Variants in DLG4 observed in about 807,000 individuals in gnomAD.
The protein encoded by DLG4 is disks large homolog 4.
A neutral mutation model predicts 93.8 loss-of-function variants in DLG4; 7 were observed. The ratio of observed to expected loss-of-function variants is 0.07; its 90% CI spans 0.04 to 0.14. The LOEUF is 0.14. Among genes scored for constraint, DLG4 ranks in the 10% least tolerant of loss-of-function variants. The pLI is 1.00. For missense variants in DLG4, 545 were observed against 992.9 expected, an observed-to-expected ratio of 0.55 and a Z score of 6.06; for synonymous variants, 341 against 387.6, an observed-to-expected ratio of 0.88 and a Z score of 1.41.
chr17:7,218,801 C>T (rs2071055310), upstream of DLG4: 1 of 1,613,576 alleles, frequency 6.2e-7, no homozygotes, highest in Non-Finnish European at 8.5e-7. Context: ...GCTCCCAGAC[C>T]TCCCCTCCAC....
chr17:7,214,926 C>T (rs953142355), intron 1 of DLG4, among the ~76,000 whole-genome samples: 1 of 152,122 alleles, frequency 6.6e-6, no homozygotes, highest in Admixed American at 6.5e-5. Flanking sequence ...CGGCAGGAGT[C>T]TAAATATAGG....
At position 7,187,945 on chromosome 17, in the gene DLG4, C is replaced by A. The variant is rs532018296; in HGVS notation, c.*2763G>T. Among the ~76,000 whole-genome samples the A allele has an allele frequency of 2.0e-5, 3 of 152,102 alleles. No homozygotes were observed. Among genetic ancestry groups the A allele is most frequent in the African/African-American group, 7.2e-5 (3 of 41,480 alleles). ...AATAGCTGTGTGTTATGGCACGCAT[C>A]TGTAATCCCAGCTACTTGGGAAGCT... On this transcript the variant is annotated 3_prime_UTR_variant, in exon 20 of 20. Transcript: ENST00000399506.
rs2069789605 is a variant in DLG4, at chr17:7,196,455, G to C, written c.1186+18C>G. On this transcript the variant is annotated intron_variant, in intron 10 of 19. Coordinates refer to ENST00000399506, the MANE Select transcript of DLG4 (RefSeq NM_001321075.3). This position sits in a 1 kb window ranked among gnomAD's most constrained non-coding sequence, Gnocchi z 8.3. ...GGGCCATTTCAGCTCACAAGACAAG[G>C]AACTTCCGGCCTGGTACCTTCTGGT... 2 of 1,613,490 alleles carry C rather than the reference G, an allele frequency of 1.2e-6. No individual in the cohort carries two copies. The highest frequency in any genetic ancestry group is 1.7e-6 in the Non-Finnish European group (2 of 1,179,564).
In DLG4 at chr17:7,193,613, C is replaced by T. The variant is rs576654918; in HGVS notation, c.1592-29G>A. The T allele has an allele frequency of 2.6e-5, 39 of 1,526,146 alleles. No individual in the cohort carries two copies. Among genetic ancestry groups the T allele is most frequent in the African/African-American group, 6.9e-5 (5 of 71,978 alleles). The allele number at this position is 1,526,146 out of a possible 1,614,324, so 94.5% of individuals were successfully genotyped here. On this transcript the variant is annotated intron_variant, in intron 15 of 19. Transcript: ENST00000399506. This position sits in a 1 kb window ranked among gnomAD's most constrained non-coding sequence, Gnocchi z 6.7. ...CAGAGAGAGCCTGGCTTAGGCCGAG[C>T]GCAGGGTTGGGGGAGCAGCAAGTGC...
chr17:7,211,500 A>T (rs534903088), intron 1 of DLG4, among the ~76,000 whole-genome samples: 1 of 151,440 alleles, frequency 6.6e-6, no homozygotes, highest in Non-Finnish European at 1.5e-5. Context: ...AAAGTGAATG[A>T]TAAGAGGGGC....
At chr17:7,205,632 AT>A (rs1367593190) in intron 2 of DLG4, among the ~76,000 whole-genome samples, 2 of 151,790 alleles carry the variant, frequency 1.3e-5, no homozygotes, top group Non-Finnish European at 2.9e-5. Context: ...AACCCTTCAC[AT>A]ATCAGCAAAT....
chr17:7,202,516 G>A (rs1279939904), intron 8 of DLG4, among the ~76,000 whole-genome samples: 4 of 152,170 alleles, frequency 2.6e-5, no homozygotes, highest in Non-Finnish European at 5.9e-5. Context: ...TCTCTATTCA[G>A]AAGCAAAACG....
intron 8 of DLG4, among the ~76,000 whole-genome samples, chr17:7,198,466 G>C (rs1356811987): frequency 7.2e-6 from 1 of 138,856 alleles, no homozygotes; most frequent in Non-Finnish European, 1.5e-5. Flanking sequence ...CTGGGTGACA[G>C]AGCGAGACTC....
chr17:7,208,430 C>T lies in DLG4; in HGVS notation c.31-191G>A, dbSNP rs549583360. Among the ~76,000 whole-genome samples the T allele has an allele frequency of 2.6e-5, 4 of 152,096 alleles. No individual in the cohort carries two copies. Among genetic ancestry groups the T allele is most frequent in the African/African-American group, 4.8e-5 (2 of 41,498 alleles). The stretch of plus-strand genomic sequence containing the variant: ...CCACTCTCCCAACAGCCCCCTCTCC[C>T]GCCAGGGCCTCAGCACCTCTCATCA... On this transcript the variant is annotated intron_variant, in intron 1 of 19. Coordinates refer to ENST00000399506, the MANE Select transcript of DLG4 (RefSeq NM_001321075.3). The surrounding 1 kb of genome is among the most constrained non-coding windows in gnomAD (Gnocchi z 5.4).
intron 1 of DLG4, among the ~76,000 whole-genome samples, chr17:7,215,894 C>G (rs1313313365): frequency 7.4e-6 from 1 of 136,020 alleles, no homozygotes; most frequent in Non-Finnish European, 1.6e-5. Context: ...CCTGTCCCAC[C>G]CCCCAGCCCC....
chr17:7,187,307 A>G lies in DLG4; in HGVS notation c.*3401T>C, dbSNP rs314255. Among the ~76,000 whole-genome samples, 10,623 of 41,804 alleles carry G rather than the reference A, an allele frequency of 0.25. 1,988 individuals are homozygous for G. Among genetic ancestry groups the G allele is most frequent in the Non-Finnish European group, 0.4 (5,880 of 14,730 alleles). 27.4% of individuals were successfully genotyped at this position (41,804 alleles called of 152,430 possible). A position where few individuals can be genotyped will look rare whatever the true frequency, so the allele number is the denominator to read the frequency against. ...GTAATCCTAGCACTTTGGGAGGCCGAGGGGGGGGGGGGTGGATCACCCGAG... is the reference window on the plus strand; with the variant it reads ...GTAATCCTAGCACTTTGGGAGGCCGGGGGGGGGGGGGGTGGATCACCCGAG... On this transcript the variant is annotated 3_prime_UTR_variant, in exon 20 of 20. Transcript: ENST00000399506.
In DLG4 at chr17:7,208,342, A is replaced by AG; in HGVS notation, c.31-104dup. Reference sequence around the variant, plus strand: ...CTTCCCCCAGCCAGTGCAGTGCGGAAGGCCCTGGGGCCTGACCAGCTCCTC... The same window carrying AG: ...CTTCCCCCAGCCAGTGCAGTGCGGAAGGGCCCTGGGGCCTGACCAGCTCCTC... On this transcript the variant is annotated intron_variant, in intron 1 of 19. Transcript: ENST00000399506. The surrounding 1 kb of genome is among the most constrained non-coding windows in gnomAD (Gnocchi z 5.4). 1.8e-6 allele frequency: 2 copies of AG among 1,090,314 alleles called. No individual in the cohort carries two copies. The highest frequency in any genetic ancestry group is 2.4e-6 in the Non-Finnish European group (2 of 831,494). 67.5% of individuals were successfully genotyped at this position (1,090,314 alleles called of 1,614,324 possible). A position where few individuals can be genotyped will look rare whatever the true frequency, so the allele number is the denominator to read the frequency against.
chr17:7,207,724 G>A (rs368635696), intron 2 of DLG4, among the ~76,000 whole-genome samples: 28 of 149,950 alleles, frequency 1.9e-4, no homozygotes, highest in Middle Eastern at 3.2e-3. Flanking sequence ...CACAAACGGC[G>A]CACGCACGCA....
chr17:7,216,370 C>G (rs775258343), intron 1 of DLG4, among the ~76,000 whole-genome samples: 1 of 152,156 alleles, frequency 6.6e-6, no homozygotes, highest in Admixed American at 6.5e-5. Flanking sequence ...CTCCCTAAGC[C>G]TCTCATCCTC....
At position 7,205,982 on chromosome 17, in the gene DLG4, G is replaced by A. The variant is rs146749805; in HGVS notation, c.97-1730C>T. Among the ~76,000 whole-genome samples, 930 of 150,760 alleles carry A rather than the reference G, an allele frequency of 6.2e-3. 37 individuals are homozygous for A. Among genetic ancestry groups the A allele is most frequent in the Admixed American group, 0.055 (837 of 15,124 alleles). On this transcript the variant is annotated intron_variant, in intron 2 of 19. Transcript: ENST00000399506. Reference sequence around the variant, plus strand: ...CATGCTCCATCTCCATCCCTGTCTCGCCCTTCAACATCCATCTTCCAACCC... The same window carrying A: ...CATGCTCCATCTCCATCCCTGTCTCACCCTTCAACATCCATCTTCCAACCC...
At chr17:7,211,090 C>T (rs1167319437) in intron 1 of DLG4, among the ~76,000 whole-genome samples, 1 of 119,400 alleles carries the variant, frequency 8.4e-6, no homozygotes, top group Admixed American at 1.2e-4. Context: ...AAATTTTCGA[C>T]GTACATGTAG....
chr17:7,198,949 G>C (rs1380406707), intron 8 of DLG4, among the ~76,000 whole-genome samples: 1 of 152,006 alleles, frequency 6.6e-6, no homozygotes, highest in Non-Finnish European at 1.5e-5. Flanking sequence ...CCAGGAGGCG[G>C]AAGTTGCAGT....
intron 8 of DLG4, among the ~76,000 whole-genome samples, chr17:7,201,005 G>A (rs2070103349): frequency 1.3e-5 from 2 of 151,816 alleles, no homozygotes; most frequent in Non-Finnish European, 1.5e-5. Context: ...TATTACAGGC[G>A]CTCGCCACCA....
Position 7,217,561 on chromosome 17 carries a change from T to TG in DLG4, c.-415dup, listed in dbSNP as rs1268365527. 20 of 71,082 alleles carry TG rather than the reference T, an allele frequency of 2.8e-4. No individual in the cohort carries two copies. Among genetic ancestry groups the TG allele is most frequent in the South Asian group, 6.9e-4 (1 of 1,442 alleles). The allele number at this position is 71,082 out of a possible 1,614,324, so 4.4% of individuals were successfully genotyped here. A position where few individuals can be genotyped will look rare whatever the true frequency, so the allele number is the denominator to read the frequency against. On this transcript the variant is annotated 5_prime_UTR_variant, in exon 1 of 20. Transcript: ENST00000399506. The stretch of plus-strand genomic sequence containing the variant: ...TAGGGGCCGTGGCGGGGGAGTGGGG[T>TG]GGGGGGGTTGGAAACGGCAGCGGCC...
Sources: allele counts gnomAD v4.1 joint callset (sites outside exome capture counted in the v4.1 genomes callset), GRCh38; gene constraint gnomAD v4.1.1; non-coding constraint Gnocchi (gnomAD v3.1); transcripts MANE v1.5; gene names NCBI Gene and HGNC (gene_info 2026-07-23, HGNC 2026-07-21).